The following SLC25A13 variants were observed in gnomAD, a reference collection of about 807,000 sequenced individuals.
SLC25A13 encodes the protein electrogenic aspartate/glutamate antiporter SLC25A13, mitochondrial.
A neutral mutation model predicts 85.5 loss-of-function variants in SLC25A13; 70 were observed. The ratio of observed to expected loss-of-function variants is 0.82; its 90% CI spans 0.68 to 1.00. SLC25A13 has a LOEUF of 1.00. Ranked by LOEUF, SLC25A13 falls within the 50% of genes least tolerant of loss-of-function variation. The pLI, the probability that SLC25A13 is intolerant of heterozygous loss-of-function variation, is 0.00. For synonymous variants in SLC25A13, 259 were observed against 288.7 expected, an observed-to-expected ratio of 0.90 and a Z score of 1.04; for missense variants, 765 against 819.8, an observed-to-expected ratio of 0.93 and a Z score of 0.82.
intron 3 of SLC25A13, among the ~76,000 whole-genome samples, chr7:96,239,037 T>TTATATATATATATATA (rs58990918): frequency 1.4e-3 from 187 of 130,764 alleles, no homozygotes; most frequent in African/African-American, 4.7e-3. Context: ...ACTATATATT[T>TTATATATATATATATA]TATATATATA....
chr7:96,231,510 A>C (rs1419464804), intron 4 of SLC25A13, among the ~76,000 whole-genome samples: 1 of 152,178 alleles, frequency 6.6e-6, no homozygotes. Context: ...GAATCACCTG[A>C]GGTCAGGAGT....
intron 3 of SLC25A13, among the ~76,000 whole-genome samples, chr7:96,275,668 T>C (rs1231728054): frequency 3.3e-5 from 5 of 151,308 alleles, no homozygotes; most frequent in African/African-American, 1.2e-4. Flanking sequence ...TTCTCACTCA[T>C]AGATGGGAAT....
At chr7:96,227,310 A>C (rs191750114) in intron 4 of SLC25A13, among the ~76,000 whole-genome samples, 28 of 152,338 alleles carry the variant, frequency 1.8e-4, no homozygotes, top group African/African-American at 6.7e-4. Flanking sequence ...TATTAAATAA[A>C]CTTTTATTTA....
chr7:96,186,823 C>T (rs1794661893), intron 9 of SLC25A13, among the ~76,000 whole-genome samples: 1 of 151,934 alleles, frequency 6.6e-6, no homozygotes, highest in Non-Finnish European at 1.5e-5. Flanking sequence ...ATTTTTAAGA[C>T]TATATACAAA....
rs111404823 is a variant in SLC25A13, at chr7:96,279,179, C to G, written c.70-1841G>C. ...GAAAAGATTGTACCAATTTACACTC[C>G]CACCAACAGTGTGTGAACATGCCCT... is the stretch of plus-strand genomic sequence containing the variant. On this transcript the variant is annotated intron_variant, in intron 2 of 17. Transcript: ENST00000265631. Among the ~76,000 whole-genome samples, 498 of 152,242 alleles carry G rather than the reference C, an allele frequency of 3.3e-3. 1 individual carries two copies. Among genetic ancestry groups the G allele is most frequent in the African/African-American group, 0.011 (465 of 41,532 alleles).
intron 13 of SLC25A13, among the ~76,000 whole-genome samples, chr7:96,163,445 A>G (rs1372371969): frequency 6.6e-6 from 1 of 152,242 alleles, no homozygotes; most frequent in African/African-American, 2.4e-5. Context: ...TAACCATATA[A>G]GGATCCCAAG....
chr7:96,185,734 C>CA (rs916372236), intron 9 of SLC25A13, among the ~76,000 whole-genome samples: 30 of 150,596 alleles, frequency 2.0e-4, no homozygotes, highest in Admixed American at 7.3e-4. Context: ...ACTAAAAATA[C>CA]AAAAAAAAGA....
intron 5 of SLC25A13, 64 bp from the exon 6 acceptor site, chr7:96,193,247 A>G: frequency 6.3e-7 from 1 of 1,577,282 alleles, no homozygotes; most frequent in Middle Eastern, 1.7e-4. Context: ...TACAAATGAC[A>G]GTTCATTTTA....
At chr7:96,242,176 A>G (rs1426561944) in intron 3 of SLC25A13, among the ~76,000 whole-genome samples, 2 of 152,192 alleles carry the variant, frequency 1.3e-5, no homozygotes, top group African/African-American at 4.8e-5. Context: ...TCCAGGGTCA[A>G]TGGCAGAGAT....
chr7:96,298,758 C>T (rs766090726), intron 1 of SLC25A13, among the ~76,000 whole-genome samples: 16 of 152,184 alleles, frequency 1.1e-4, no homozygotes, highest in Non-Finnish European at 2.2e-4. Context: ...TTTTAAAAAT[C>T]CTGAATTAGT....
chr7:96,172,575 A>G (rs187896294), intron 11 of SLC25A13, among the ~76,000 whole-genome samples: 39 of 152,010 alleles, frequency 2.6e-4, no homozygotes, highest in African/African-American at 6.7e-4. Flanking sequence ...AAAAAGATCA[A>G]TGAACACACT....
At chr7:96,275,001 C>T (rs1305143026) in intron 3 of SLC25A13, among the ~76,000 whole-genome samples, 1 of 152,028 alleles carries the variant, frequency 6.6e-6, no homozygotes, top group Admixed American at 6.6e-5. Context: ...GGCTCTTTTT[C>T]GATTCCATAT....
intron 3 of SLC25A13, among the ~76,000 whole-genome samples, chr7:96,238,680 C>T (rs993704203): frequency 1.3e-5 from 2 of 152,052 alleles, no homozygotes; most frequent in African/African-American, 4.8e-5. Flanking sequence ...GTTTCTGGCC[C>T]TTTGCTTCCC....
chr7:96,190,234 G>C (rs1794793239), intron 7 of SLC25A13, among the ~76,000 whole-genome samples: 1 of 151,582 alleles, frequency 6.6e-6, no homozygotes, highest in Admixed American at 6.6e-5. Flanking sequence ...ACAGGTGTGT[G>C]CCACCATGCC....
At chr7:96,298,751 T>A (rs1482704073) in intron 1 of SLC25A13, among the ~76,000 whole-genome samples, 9 of 152,174 alleles carry the variant, frequency 5.9e-5, no homozygotes, top group South Asian at 2.1e-4. Flanking sequence ...TTAATCTTTT[T>A]AAAAATCCTG....
chr7:96,142,900 T>C (rs1313905230), intron 14 of SLC25A13, among the ~76,000 whole-genome samples: 1 of 152,228 alleles, frequency 6.6e-6, no homozygotes, highest in African/African-American at 2.4e-5. Flanking sequence ...ACACACATTA[T>C]AGATGAACAC....
chr7:96,208,863 T>G lies in SLC25A13; in HGVS notation c.443A>C (p.Tyr148Ser). 6.2e-7 allele frequency: 1 copy of G among 1,614,124 alleles called. No homozygotes were observed. The highest frequency in any genetic ancestry group is 1.3e-5 in the African/African-American group (1 of 75,042). ...CAATAAAAACTGAGTAAATTCCGCA[T>G]ATGTCAGGTGTCTTTTTCTTTCTTT... ...FGKERKRHLT[Y>S]AEFTQFLLEI... The change falls in exon 5 of 18, where the codon TAT (tyrosine) becomes TCT (serine). Residue 148 changes from tyrosine to serine, a missense_variant. Transcript: ENST00000265631.
intron 4 of SLC25A13, among the ~76,000 whole-genome samples, chr7:96,209,482 C>CACATAGAAAAA (rs1391286501): frequency 6.6e-6 from 1 of 152,024 alleles, no homozygotes; most frequent in Non-Finnish European, 1.5e-5. Flanking sequence ...ATATTTAACA[C>CACATAGAAAAA]CCCTAAGGCT....
At chr7:96,238,502 A>G (rs970005482) in intron 3 of SLC25A13, among the ~76,000 whole-genome samples, 2 of 152,216 alleles carry the variant, frequency 1.3e-5, no homozygotes, top group African/African-American at 4.8e-5. Context: ...CAGTTTTTAA[A>G]GAAAGGTTAC....
Sources: allele counts gnomAD v4.1 joint callset (sites outside exome capture counted in the v4.1 genomes callset), GRCh38; gene constraint gnomAD v4.1.1; transcripts MANE v1.5; gene names NCBI Gene and HGNC (gene_info 2026-07-23, HGNC 2026-07-21).